The following FBXW7 variants were observed in gnomAD, a reference collection of about 807,000 sequenced individuals.
The protein encoded by FBXW7 is F-box and WD repeat domain containing 7.
In FBXW7, 11 loss-of-function variants were observed where a neutral mutation model predicts 86.3. That is an observed-to-expected ratio of 0.13 (90% CI 0.08 to 0.21). The LOEUF (loss-of-function observed/expected upper bound fraction) is 0.21, where lower values mean the gene tolerates loss of function less well. Among genes scored for constraint, FBXW7 ranks in the 10% least tolerant of loss-of-function variants. The pLI, the probability that FBXW7 is intolerant of heterozygous loss-of-function variation, is 1.00. For synonymous variants in FBXW7, 313 were observed against 297.9 expected (o/e 1.05, Z -0.52); for missense variants, 488 against 847.4 (o/e 0.58, Z 5.27).
intron 2 of FBXW7, among the ~76,000 whole-genome samples, chr4:152,480,662 G>A (rs1744800050): frequency 6.6e-6 from 1 of 152,160 alleles, no homozygotes; most frequent in South Asian, 2.1e-4. Flanking sequence ...CTACTCCAGT[G>A]AACACATGAA....
At chr4:152,410,355 T>C (rs747854493) in intron 4 of FBXW7, among the ~76,000 whole-genome samples, 3 of 152,148 alleles carry the variant, frequency 2.0e-5, no homozygotes, top group Non-Finnish European at 4.4e-5. Context: ...GCTATAGTTG[T>C]TAGTGGTAGA....
intron 6 of FBXW7, among the ~76,000 whole-genome samples, chr4:152,339,666 G>C (rs1730513997): frequency 6.6e-6 from 1 of 152,172 alleles, no homozygotes; most frequent in African/African-American, 2.4e-5. Flanking sequence ...CTTAGGCCAG[G>C]TGTGTTGGCT....
At chr4:152,512,088 G>A (rs1209224226) in intron 2 of FBXW7, among the ~76,000 whole-genome samples, 2 of 152,032 alleles carry the variant, frequency 1.3e-5, no homozygotes. Flanking sequence ...TTCTTTCAAT[G>A]GACCAAGGCA....
chr4:152,469,639 C>G (rs918146686), intron 2 of FBXW7, among the ~76,000 whole-genome samples: 1 of 152,042 alleles, frequency 6.6e-6, no homozygotes, highest in African/African-American at 2.4e-5. Flanking sequence ...TACAAAATCT[C>G]AAGTAGGGGA....
intron 2 of FBXW7, among the ~76,000 whole-genome samples, chr4:152,434,806 T>C (rs1319059197): frequency 6.6e-6 from 1 of 152,158 alleles, no homozygotes; most frequent in Non-Finnish European, 1.5e-5. Context: ...TTGAGAAATA[T>C]ACAATTTCAG....
At chr4:152,494,775 T>C (rs991586441) in intron 2 of FBXW7, among the ~76,000 whole-genome samples, 1 of 152,212 alleles carries the variant, frequency 6.6e-6, no homozygotes, top group Admixed American at 6.5e-5. Context: ...CCAGAAAGGC[T>C]GTAGATAACA....
chr4:152,501,041 G>A (rs890583276), intron 2 of FBXW7, among the ~76,000 whole-genome samples: 7 of 152,160 alleles, frequency 4.6e-5, no homozygotes, highest in Non-Finnish European at 8.8e-5. Flanking sequence ...AGACAAGTCC[G>A]ACTTAAAGTC....
intron 2 of FBXW7, among the ~76,000 whole-genome samples, chr4:152,414,980 G>A (rs1446038864): frequency 1.3e-5 from 2 of 152,056 alleles, no homozygotes; most frequent in Non-Finnish European, 2.9e-5. Context: ...CTTGGGGGAG[G>A]GGGGTGTATT....
chr4:152,357,192 T>G (rs1253176435), intron 4 of FBXW7, among the ~76,000 whole-genome samples: 1 of 152,124 alleles, frequency 6.6e-6, no homozygotes, highest in East Asian at 1.9e-4. Flanking sequence ...TTACTTAAAC[T>G]TATTTTTTGG....
chr4:152,476,779 T>C (rs1356797487), intron 2 of FBXW7, among the ~76,000 whole-genome samples: 3 of 152,202 alleles, frequency 2.0e-5, no homozygotes, highest in African/African-American at 4.8e-5. Flanking sequence ...TATGAGACTC[T>C]CATGTTTCTG....
chr4:152,401,445 T>C (rs911895668), intron 4 of FBXW7, among the ~76,000 whole-genome samples: 2 of 152,240 alleles, frequency 1.3e-5, no homozygotes, highest in African/African-American at 4.8e-5. Context: ...TCTGAAAGGC[T>C]ACATACTGTA....
chr4:152,389,134 T>C (rs933326118), intron 4 of FBXW7, among the ~76,000 whole-genome samples: 50 of 151,816 alleles, frequency 3.3e-4, no homozygotes, highest in African/African-American at 1.1e-3. Flanking sequence ...CAAAAAATAA[T>C]AGATGTTGGC....
At position 152,439,233 on chromosome 4, in the gene FBXW7, A is replaced by AT. The variant is rs913424260; in HGVS notation, c.-119-26705dup. 4.6e-3 allele frequency among the ~76,000 whole-genome samples: 684 copies of AT among 148,010 alleles called. 7 individuals carry two copies. The highest frequency in any genetic ancestry group is 8.2e-3 in the Non-Finnish European group (546 of 66,528). ...CCATGACAATATTTTTCCCACGTTA[A>AT]TTTTTTTTTTTAAGGGGTGAGAGGC... is the stretch of plus-strand genomic sequence containing the variant. On this transcript the variant is annotated intron_variant, in intron 2 of 13. Coordinates refer to ENST00000281708, the MANE Select transcript of FBXW7 (RefSeq NM_001349798.2).
intron 2 of FBXW7, among the ~76,000 whole-genome samples, chr4:152,483,400 A>G (rs897504796): frequency 6.5e-5 from 9 of 138,042 alleles, no homozygotes; most frequent in African/African-American, 1.6e-4. Flanking sequence ...CTTTATAGGG[A>G]AAAAAAAAAA....
chr4:152,417,181 C>T (rs77595193), intron 2 of FBXW7, among the ~76,000 whole-genome samples: 1,530 of 152,232 alleles, frequency 0.01, 15 homozygotes, highest in Non-Finnish European at 0.016. Flanking sequence ...CTCTACTGAG[C>T]CTATTAATTT....
chr4:152,513,548 AAG>A (rs1199232577), intron 2 of FBXW7, among the ~76,000 whole-genome samples: 2 of 152,358 alleles, frequency 1.3e-5, no homozygotes, highest in African/African-American at 4.8e-5. Context: ...TATGACAAAA[AAG>A]AAATCTATTT....
intron 2 of FBXW7, among the ~76,000 whole-genome samples, chr4:152,504,905 A>G (rs762076193): frequency 7.9e-5 from 12 of 152,176 alleles, no homozygotes; most frequent in Non-Finnish European, 1.8e-4. Context: ...TTTTACATTA[A>G]TAAGGGTATT....
chr4:152,346,794 C>G (rs1731306969), intron 6 of FBXW7, 136 bp downstream of exon 6: 2 of 1,218,250 alleles, frequency 1.6e-6, no homozygotes, highest in Admixed American at 2.5e-5. Flanking sequence ...TGGCTTCTTT[C>G]ACTTGGCAGA....
intron 2 of FBXW7, among the ~76,000 whole-genome samples, chr4:152,419,951 T>C (rs1738796307): frequency 6.6e-6 from 1 of 152,138 alleles, no homozygotes; most frequent in Non-Finnish European, 1.5e-5. Flanking sequence ...GACTAATCAG[T>C]ATGGCTGTGG....
Sources: allele counts gnomAD v4.1 joint callset (sites outside exome capture counted in the v4.1 genomes callset), GRCh38; gene constraint gnomAD v4.1.1; transcripts MANE v1.5; gene names NCBI Gene and HGNC (gene_info 2026-07-23, HGNC 2026-07-21).